NAV3: variants seen among roughly 807,000 people sequenced by gnomAD.
NAV3 encodes the protein neuron navigator 3, also known as pore membrane and/or filament interacting like protein 1.
NAV3 carries 87 observed loss-of-function variants against 244.7 expected under a neutral mutation model. The observed-to-expected ratio is 0.36, with a 90% confidence interval of 0.30 to 0.42. The LOEUF is 0.42. NAV3 is among the 20% of genes least tolerant of loss of function. The pLI is 1.00. For synonymous variants in NAV3, 1,126 were observed against 1,042.2 expected, an observed-to-expected ratio of 1.08 and a Z score of -1.55; for missense variants, 2,663 against 2,893.3, an observed-to-expected ratio of 0.92 and a Z score of 1.83.
intron 1 of NAV3, among the ~76,000 whole-genome samples, chr12:77,884,897 T>C (rs970455731): frequency 3.9e-5 from 6 of 152,298 alleles, no homozygotes; most frequent in African/African-American, 1.4e-4. Flanking sequence ...AAAGAAAGAT[T>C]GACAATTCCA....
intron 2 of NAV3, among the ~76,000 whole-genome samples, chr12:77,715,870 T>A (rs557794357): frequency 1.3e-5 from 2 of 152,190 alleles, no homozygotes; most frequent in Middle Eastern, 3.4e-3. Flanking sequence ...TTTATGTACA[T>A]CATGAGAGCA....
intron 2 of NAV3, among the ~76,000 whole-genome samples, chr12:77,610,473 G>A (rs1011816607): frequency 4.6e-5 from 7 of 152,032 alleles, no homozygotes; most frequent in South Asian, 4.1e-4. Flanking sequence ...CTCAGAACCA[G>A]AACTGCAATG....
chr12:77,964,446 T>C (rs1468003807), intron 3 of NAV3, among the ~76,000 whole-genome samples: 1 of 152,180 alleles, frequency 6.6e-6, no homozygotes, highest in Non-Finnish European at 1.5e-5. Context: ...TCTTTCTTAA[T>C]ATTAGGCCAC....
At chr12:77,724,607 A>G (rs1005509801) in intron 2 of NAV3, among the ~76,000 whole-genome samples, 1 of 151,578 alleles carries the variant, frequency 6.6e-6, no homozygotes, top group Admixed American at 6.6e-5. Context: ...AATGCTTTGT[A>G]CTAGTATTTT....
chr12:78,118,450 C>T (rs1279562692), intron 14 of NAV3, among the ~76,000 whole-genome samples, 153 bp downstream of exon 14: 1 of 152,174 alleles, frequency 6.6e-6, no homozygotes, highest in Non-Finnish European at 1.5e-5. Context: ...TTTCTGTCTA[C>T]GTTTCACAAA....
chr12:77,722,753 C>G (rs149087085), intron 2 of NAV3, among the ~76,000 whole-genome samples: 1 of 152,062 alleles, frequency 6.6e-6, no homozygotes, highest in African/African-American at 2.4e-5. Context: ...TTGAATTAAT[C>G]CAAATGTTTA....
chr12:77,586,832 A>T (rs1360619296), intron 2 of NAV3, among the ~76,000 whole-genome samples: 1 of 152,188 alleles, frequency 6.6e-6, no homozygotes, highest in Non-Finnish European at 1.5e-5. Flanking sequence ...CACATATAGA[A>T]CATTTTCATC....
At chr12:78,091,206 A>G (rs1953913107) in intron 12 of NAV3, among the ~76,000 whole-genome samples, 1 of 152,138 alleles carries the variant, frequency 6.6e-6, no homozygotes, top group South Asian at 2.1e-4. Flanking sequence ...TGTAATTTCT[A>G]TTGATGTTTT....
At position 78,005,929 on chromosome 12, in the gene NAV3, G is replaced by A. The variant is rs563328235; in HGVS notation, c.881-490G>A. ...TATCATAAATAACTTTTTTTTTTGA[G>A]AGAGAGTCTTGCTCTGTCATCCAGG... On this transcript the variant is annotated intron_variant, in intron 7 of 39. Transcript: ENST00000397909. Among the ~76,000 whole-genome samples the A allele has an allele frequency of 2.6e-5, 4 of 151,318 alleles. No individual in the cohort carries two copies. The East Asian group carries it at 7.8e-4, about 29-fold the overall frequency.
At chr12:77,621,297 A>G (rs900649759) in intron 2 of NAV3, among the ~76,000 whole-genome samples, 7 of 152,140 alleles carry the variant, frequency 4.6e-5, no homozygotes, top group African/African-American at 1.7e-4. Context: ...TACAGACTCT[A>G]ACATATGTAG....
intron 3 of NAV3, among the ~76,000 whole-genome samples, chr12:77,961,040 G>T (rs956256063): frequency 7.6e-6 from 1 of 131,136 alleles, no homozygotes; most frequent in East Asian, 2.3e-4. Flanking sequence ...ACGCATATAT[G>T]TATATATGTA....
At chr12:78,143,355 G>A (rs1228817459) in intron 20 of NAV3, 1 of 429,080 alleles carries the variant, frequency 2.3e-6, no homozygotes, top group Non-Finnish European at 4.6e-6. Context: ...CTAAGGCCAA[G>A]CGCGGTGGCT....
At chr12:77,657,743 C>A (rs1312992449) in intron 2 of NAV3, among the ~76,000 whole-genome samples, 215 of 152,120 alleles carry the variant, frequency 1.4e-3, no homozygotes, top group Middle Eastern at 3.4e-3. Flanking sequence ...GCAGCACATC[C>A]AAAAGCTTAT....
intron 2 of NAV3, among the ~76,000 whole-genome samples, chr12:77,723,964 C>T (rs1876763170): frequency 1.3e-5 from 2 of 151,528 alleles, no homozygotes; most frequent in Non-Finnish European, 2.9e-5. Context: ...TATGAAAGTA[C>T]ATTTGAGTTT....
At chr12:77,982,218 A>ATAGAGTACTCTTATAGAGTACCTAAAT (rs1593189401) in intron 5 of NAV3, among the ~76,000 whole-genome samples, 2 of 134,774 alleles carry the variant, frequency 1.5e-5, no homozygotes, top group African/African-American at 2.5e-5. Flanking sequence ...CATATGGCTT[A>ATAGAGTACTCTTATAGAGTACCTAAAT]ATGAAAGATG....
chr12:77,833,016 G>A (rs2136094374), intron 1 of NAV3, among the ~76,000 whole-genome samples: 2 of 152,178 alleles, frequency 1.3e-5, no homozygotes, highest in East Asian at 3.9e-4. Context: ...TTTCTACAAT[G>A]CCCATCCCAC....
At chr12:77,949,480 C>T (rs538790477) in intron 3 of NAV3, among the ~76,000 whole-genome samples, 6 of 151,820 alleles carry the variant, frequency 4.0e-5, no homozygotes, top group Admixed American at 1.3e-4. Flanking sequence ...TTGGATCTTC[C>T]GCTATTTTTT....
At chr12:78,024,219 C>T (rs1877622723) in intron 9 of NAV3, among the ~76,000 whole-genome samples, 1 of 152,016 alleles carries the variant, frequency 6.6e-6, no homozygotes, top group Admixed American at 6.6e-5. Context: ...AACTCCATTG[C>T]CTCTCTCTCA....
intron 2 of NAV3, among the ~76,000 whole-genome samples, chr12:77,711,373 A>G (rs973881484): frequency 1.3e-5 from 2 of 152,168 alleles, no homozygotes; most frequent in Non-Finnish European, 2.9e-5. Flanking sequence ...GGAAATTCCC[A>G]GTCTTTGTTA....
Sources: allele counts gnomAD v4.1 joint callset (sites outside exome capture counted in the v4.1 genomes callset), GRCh38; gene constraint gnomAD v4.1.1; transcripts MANE v1.5; gene names NCBI Gene and HGNC (gene_info 2026-07-23, HGNC 2026-07-21).